Variants in NXPE2 observed in about 807,000 individuals in gnomAD.
NXPE2 encodes neurexophilin and PC-esterase domain family member 2, also known as NXPE family member 2.
A neutral mutation model predicts 34.4 loss-of-function variants in NXPE2; 34 were observed. The ratio of observed to expected loss-of-function variants is 0.99; its 90% CI spans 0.75 to 1.31. The LOEUF (loss-of-function observed/expected upper bound fraction) is 1.31. Among genes scored for constraint, NXPE2 ranks in the 40% most tolerant of loss-of-function variants. The pLI, the probability that NXPE2 is intolerant of heterozygous loss-of-function variation, is 0.00. For synonymous variants in NXPE2, 235 were observed against 231.3 expected (o/e 1.02, Z -0.15); for missense variants, 649 against 672.5 (o/e 0.97, Z 0.39).
the NXPE2 span, among the ~76,000 whole-genome samples, chr11:114,787,274 T>C: frequency 1.3e-5 from 2 of 152,308 alleles, no homozygotes; most frequent in East Asian, 3.9e-4. Context: ...CCCAAGCTCA[T>C]GCAGGCAGGC....
chr11:114,622,516 C>T, the NXPE2 span, among the ~76,000 whole-genome samples: 1 of 152,156 alleles, frequency 6.6e-6, no homozygotes, highest in Non-Finnish European at 1.5e-5. Context: ...TAATTATTGC[C>T]TCATGGGTAA....
At chr11:114,730,095 G>A in the NXPE2 span, among the ~76,000 whole-genome samples, 26 of 152,148 alleles carry the variant, frequency 1.7e-4, no homozygotes, top group African/African-American at 5.3e-4. Flanking sequence ...TGAAAGGTAT[G>A]GGTCCAGCTT....
At chr11:114,681,007 G>C (rs1047063987) in intron 2 of NXPE2, among the ~76,000 whole-genome samples, 5 of 152,070 alleles carry the variant, frequency 3.3e-5, no homozygotes, top group Non-Finnish European at 7.4e-5. Context: ...TATCTCTCCA[G>C]TCTTAATAAT....
the NXPE2 span, among the ~76,000 whole-genome samples, chr11:114,809,018 G>T: frequency 6.6e-6 from 1 of 152,142 alleles, no homozygotes; most frequent in African/African-American, 2.4e-5. Flanking sequence ...CTTCATCCCT[G>T]GGATGCAAGG....
At chr11:114,488,888 A>C in the NXPE2 span, among the ~76,000 whole-genome samples, 1 of 152,158 alleles carries the variant, frequency 6.6e-6, no homozygotes, top group African/African-American at 2.4e-5. Context: ...TAGAGACACA[A>C]AAAACCCTTC....
At chr11:114,771,108 T>C in the NXPE2 span, among the ~76,000 whole-genome samples, 3 of 152,020 alleles carry the variant, frequency 2.0e-5, no homozygotes, top group Non-Finnish European at 2.9e-5. Flanking sequence ...AATGTTCTCC[T>C]TTCCTATCAA....
the NXPE2 span, among the ~76,000 whole-genome samples, chr11:114,660,282 T>C: frequency 6.6e-6 from 1 of 152,060 alleles, no homozygotes; most frequent in Admixed American, 6.6e-5. Context: ...AGAAGCACTT[T>C]GCAATTCATT....
At chr11:114,557,513 AC>A in the NXPE2 span, among the ~76,000 whole-genome samples, 3 of 151,118 alleles carry the variant, frequency 2.0e-5, no homozygotes, top group Non-Finnish European at 4.4e-5. Flanking sequence ...TTGGACTGGA[AC>A]TACTGGGCTC....
the NXPE2 span, among the ~76,000 whole-genome samples, chr11:114,732,654 AT>A: frequency 2.1e-4 from 32 of 151,954 alleles, no homozygotes; most frequent in Admixed American, 4.6e-4. Context: ...ACTTTAAACA[AT>A]TTTTTTTTAA....
the NXPE2 span, among the ~76,000 whole-genome samples, chr11:114,778,814 G>A: frequency 2.6e-5 from 4 of 152,170 alleles, no homozygotes; most frequent in Non-Finnish European, 5.9e-5. Context: ...GGGTTTCTGT[G>A]TTCCCTCCTG....
chr11:114,744,516 T>C, the NXPE2 span, among the ~76,000 whole-genome samples: 1 of 152,208 alleles, frequency 6.6e-6, no homozygotes, highest in Admixed American at 6.5e-5. Context: ...ATTTTATATA[T>C]GAAAATTCTT....
At position 114,683,983 on chromosome 11, in the gene NXPE2, T is replaced by C. The variant is rs76518451; in HGVS notation, c.132+4221T>C. 5.1e-3 allele frequency among the ~76,000 whole-genome samples: 782 copies of C among 152,280 alleles called. 4 individuals are homozygous for C. The highest frequency in any genetic ancestry group is 0.018 in the African/African-American group (762 of 41,556). ...ACAACTGCATGGCTGTTGATCTCAT[T>C]CACTGAAGTATTGACCAGAATAGGA... is the stretch of plus-strand genomic sequence containing the variant. On this transcript the variant is annotated intron_variant, in intron 2 of 5. Transcript: ENST00000389586.
At chr11:114,690,769 G>A (rs1330402395) in intron 2 of NXPE2, among the ~76,000 whole-genome samples, 3 of 152,100 alleles carry the variant, frequency 2.0e-5, no homozygotes, top group Non-Finnish European at 2.9e-5. Flanking sequence ...ATTTCTCAAA[G>A]TCTTTGTTCA....
chr11:114,538,587 AAAAC>A, the NXPE2 span, among the ~76,000 whole-genome samples: 1 of 152,238 alleles, frequency 6.6e-6, no homozygotes, highest in Non-Finnish European at 1.5e-5. Context: ...TTATAAGAAA[AAAAC>A]AAACAACCCC....
chr11:114,658,355 G>C, the NXPE2 span, among the ~76,000 whole-genome samples: 1 of 152,312 alleles, frequency 6.6e-6, no homozygotes, highest in African/African-American at 2.4e-5. Context: ...TGAGAGTATA[G>C]AATTTCCGGG....
the NXPE2 span, among the ~76,000 whole-genome samples, chr11:114,590,927 C>G: frequency 6.6e-6 from 1 of 152,188 alleles, no homozygotes; most frequent in South Asian, 2.1e-4. Flanking sequence ...TTAGAAGGGT[C>G]AGCAGTTCTG....
the NXPE2 span, among the ~76,000 whole-genome samples, chr11:114,734,843 T>C: frequency 6.6e-6 from 1 of 152,192 alleles, no homozygotes; most frequent in African/African-American, 2.4e-5. Context: ...GCGCAGTGGC[T>C]CACGCCTGTA....
At chr11:114,681,694 T>G (rs1401255986) in intron 2 of NXPE2, among the ~76,000 whole-genome samples, 1 of 152,180 alleles carries the variant, frequency 6.6e-6, no homozygotes. Context: ...ATAACAGGCA[T>G]TAAGTCATAT....
the NXPE2 span, among the ~76,000 whole-genome samples, chr11:114,525,384 G>A: frequency 6.6e-6 from 1 of 151,922 alleles, no homozygotes; most frequent in Non-Finnish European, 1.5e-5. Context: ...GATATAAAAA[G>A]AAAAACAAGT....
Sources: gnomAD v4.1 joint callset for allele counts (sites outside exome capture counted in the v4.1 genomes callset) on GRCh38, gnomAD v4.1.1 for gene constraint, MANE v1.5 for transcripts, NCBI Gene and HGNC (gene_info 2026-07-23, HGNC 2026-07-21) for gene names.